CLYBL: variants seen among roughly 807,000 people sequenced by gnomAD.
The protein encoded by CLYBL is citramalyl-CoA lyase, mitochondrial.
A neutral mutation model predicts 38.9 loss-of-function variants in CLYBL; 31 were observed. That is an observed-to-expected ratio of 0.80 (90% CI 0.60 to 1.08). The LOEUF is 1.08. Among genes scored for constraint, CLYBL ranks in the 50% least tolerant of loss-of-function variants. CLYBL has a pLI of 0.00. For synonymous variants in CLYBL, 171 were observed against 158.6 expected (o/e 1.08, Z -0.59); for missense variants, 434 against 411.6 (o/e 1.05, Z -0.47).
chr13:99,639,442 A>G (rs575930223), intron 1 of CLYBL, among the ~76,000 whole-genome samples: 32 of 152,342 alleles, frequency 2.1e-4, no homozygotes, highest in African/African-American at 7.7e-4. Context: ...GCCAATTCCA[A>G]TCCAAGGACA....
intron 2 of CLYBL, among the ~76,000 whole-genome samples, chr13:99,810,242 G>A (rs941838070): frequency 2.0e-5 from 3 of 152,230 alleles, no homozygotes; most frequent in Non-Finnish European, 2.9e-5. Flanking sequence ...CATCATTCCA[G>A]TGGCCACTCA....
At chr13:99,655,398 C>A (rs954618140) in intron 1 of CLYBL, among the ~76,000 whole-genome samples, 10 of 152,150 alleles carry the variant, frequency 6.6e-5, no homozygotes, top group Admixed American at 5.9e-4. Flanking sequence ...TCGTTACTGG[C>A]AAGATGATGT....
chr13:99,857,110 T>A, intron 2 of CLYBL, among the ~76,000 whole-genome samples: 1 of 148,220 alleles, frequency 6.7e-6, no homozygotes, highest in African/African-American at 2.5e-5. Flanking sequence ...AGATCAGGAG[T>A]TCAAGGTCAG....
rs1176249203 is a variant in CLYBL at position 99,870,922 on chromosome 13, A to G, written c.803-16A>G. On this transcript the variant is annotated splice_polypyrimidine_tract_variant and intron_variant, in intron 6 of 8. Transcript: ENST00000339105. Reference sequence around the variant, plus strand: ...TTCGTTGTTTCGTGGTTCCGATGTTATTAATATTCTTGTAGGTAAGCAGGT... The same window carrying G: ...TTCGTTGTTTCGTGGTTCCGATGTTGTTAATATTCTTGTAGGTAAGCAGGT... 73 of 1,587,610 alleles carry G rather than the reference A, an allele frequency of 4.6e-5. No individual in the cohort carries two copies. The highest frequency in any genetic ancestry group is 6.2e-5 in the Non-Finnish European group (72 of 1,170,038).
At chr13:99,877,459 C>T (rs1291606967) in intron 7 of CLYBL, 1 of 254,284 alleles carries the variant, frequency 3.9e-6, no homozygotes, top group Non-Finnish European at 7.6e-6. Flanking sequence ...ATCATCTCCA[C>T]ACCCCAGGCC....
chr13:99,634,672 A>C (rs1185666966), intron 1 of CLYBL, among the ~76,000 whole-genome samples: 1 of 152,150 alleles, frequency 6.6e-6, no homozygotes, highest in Non-Finnish European at 1.5e-5. Context: ...TATTTTTTTA[A>C]ATAAATTTTT....
chr13:99,764,240 C>T (rs9517877), intron 1 of CLYBL, among the ~76,000 whole-genome samples: 106,686 of 151,426 alleles, frequency 0.7, 39,063 homozygotes, highest in East Asian at 0.9. Context: ...TTTTTCTTTT[C>T]TTTTGGGTAG....
chr13:99,707,252 A>G (rs1411235953), intron 1 of CLYBL, among the ~76,000 whole-genome samples: 1 of 152,094 alleles, frequency 6.6e-6, no homozygotes, highest in East Asian at 1.9e-4. Flanking sequence ...TGCTAGTATT[A>G]TGCAATTTCA....
intron 1 of CLYBL, among the ~76,000 whole-genome samples, chr13:99,611,472 C>G (rs895409915): frequency 1.3e-5 from 2 of 152,162 alleles, no homozygotes; most frequent in Non-Finnish European, 2.9e-5. Context: ...AAAAGTTAAG[C>G]TGACCATTGC....
chr13:99,608,191 C>T (rs2046562292), intron 1 of CLYBL, among the ~76,000 whole-genome samples: 2 of 151,504 alleles, frequency 1.3e-5, no homozygotes, highest in Admixed American at 1.3e-4. Context: ...CCTGCCGCAG[C>T]CTCCGGAGTA....
At chr13:99,659,474 G>C (rs934346897) in intron 1 of CLYBL, among the ~76,000 whole-genome samples, 2 of 152,130 alleles carry the variant, frequency 1.3e-5, no homozygotes, top group Non-Finnish European at 2.9e-5. Flanking sequence ...ACTTGCTGGG[G>C]AAGTGCCTTC....
chr13:99,750,684 AAAAG>A (rs1282525294), intron 1 of CLYBL, among the ~76,000 whole-genome samples: 3 of 151,442 alleles, frequency 2.0e-5, no homozygotes, highest in Non-Finnish European at 4.4e-5. Flanking sequence ...AAAAAAAAAA[AAAAG>A]AAAGAAATTT....
At chr13:99,640,254 A>G (rs181921863) in intron 1 of CLYBL, among the ~76,000 whole-genome samples, 1 of 152,332 alleles carries the variant, frequency 6.6e-6, no homozygotes, top group Admixed American at 6.5e-5. Flanking sequence ...ATATTTGCTC[A>G]TCATATTATG....
At chr13:99,741,767 G>A (rs187503502) in intron 1 of CLYBL, among the ~76,000 whole-genome samples, 2 of 152,176 alleles carry the variant, frequency 1.3e-5, no homozygotes, top group African/African-American at 2.4e-5. Flanking sequence ...ATGAGCCACC[G>A]TGCCCAGCCA....
chr13:99,827,673 A>G (rs532968763), intron 2 of CLYBL, among the ~76,000 whole-genome samples: 4 of 152,360 alleles, frequency 2.6e-5, no homozygotes, highest in South Asian at 4.1e-4. Flanking sequence ...GGGCAGGGCA[A>G]TCAAGCTTGG....
chr13:99,897,855 G>T (rs2052599922), downstream of CLYBL, among the ~76,000 whole-genome samples: 3 of 152,126 alleles, frequency 2.0e-5, no homozygotes, highest in South Asian at 6.2e-4. Context: ...GCTGAGGCAG[G>T]AGAATCGCTT....
At chr13:99,804,062 T>C (rs1318312364) in intron 2 of CLYBL, among the ~76,000 whole-genome samples, 2 of 152,166 alleles carry the variant, frequency 1.3e-5, no homozygotes, top group African/African-American at 4.8e-5. Context: ...GGGAGTGGAA[T>C]CGTTCTGTGC....
chr13:99,752,141 G>C (rs1363013409), intron 1 of CLYBL, among the ~76,000 whole-genome samples: 2 of 152,190 alleles, frequency 1.3e-5, no homozygotes, highest in Non-Finnish European at 2.9e-5. Context: ...GCTGGTGGGA[G>C]TGTAAATTAG....
intron 2 of CLYBL, among the ~76,000 whole-genome samples, chr13:99,812,692 AG>A (rs2050365880): frequency 6.6e-6 from 1 of 152,228 alleles, no homozygotes. Flanking sequence ...GAAAAGGAAA[AG>A]CGTAATCACG....
Sources: gnomAD v4.1 joint callset for allele counts (sites outside exome capture counted in the v4.1 genomes callset) on GRCh38, gnomAD v4.1.1 for gene constraint, MANE v1.5 for transcripts, NCBI Gene and HGNC (gene_info 2026-07-23, HGNC 2026-07-21) for gene names.